Variants in COQ7 observed in about 807,000 individuals in gnomAD.
COQ7 encodes the protein NADPH-dependent 3-demethoxyubiquinone 3-hydroxylase, mitochondrial.
COQ7 carries 21 observed loss-of-function variants against 25.0 expected under a neutral mutation model. The ratio of observed to expected loss-of-function variants is 0.84; its 90% CI spans 0.60 to 1.21. The LOEUF (loss-of-function observed/expected upper bound fraction) is 1.21. Ranked by LOEUF, COQ7 falls within the 50% of genes most tolerant of loss-of-function variation. The pLI, the probability that COQ7 is intolerant of heterozygous loss-of-function variation, is 0.00. For missense variants in COQ7, 311 were observed against 296.2 expected (o/e 1.05, Z -0.37); for synonymous variants, 125 against 112.4 (o/e 1.11, Z -0.71).
At chr16:19,068,839 T>A (rs1217577018) in intron 1 of COQ7, 1 of 450,954 alleles carries the variant, frequency 2.2e-6, no homozygotes, top group Non-Finnish European at 4.4e-6. Flanking sequence ...AACAAAATCC[T>A]TATGGTGAAT....
intron 1 of COQ7, 130 bp from the exon 2 acceptor site, chr16:19,071,798 G>A (rs527476916): frequency 2.5e-5 from 24 of 945,002 alleles, no homozygotes; most frequent in East Asian, 2.4e-4. Flanking sequence ...AACAGAGTCC[G>A]TTTATGGGCA....
At chr16:19,080,502 C>G (rs751293850), downstream of COQ7, among the ~76,000 whole-genome samples, 2 of 152,088 alleles carry the variant, frequency 1.3e-5, no homozygotes, top group East Asian at 3.8e-4. Flanking sequence ...TTAATATGTT[C>G]AGTAGGCTTC....
At chr16:19,069,826 G>A (rs1015674482) in intron 1 of COQ7, among the ~76,000 whole-genome samples, 1 of 151,160 alleles carries the variant, frequency 6.6e-6, no homozygotes, top group Non-Finnish European at 1.5e-5. Context: ...CTCTGTCACC[G>A]AGGCTGGAGT....
intron 1 of COQ7, 118 bp from the exon 2 acceptor site, chr16:19,071,810 G>A (rs777592614): frequency 1.1e-5 from 12 of 1,087,258 alleles, no homozygotes; most frequent in East Asian, 2.4e-5. Flanking sequence ...TTATGGGCAC[G>A]CCTGGCCCAT....
Position 19,079,457 on chromosome 16 carries a change from A to G in COQ7, c.*1299A>G, listed in dbSNP as rs2142405409. 6.6e-6 allele frequency: 1 copy of G among 152,088 alleles called. No homozygotes were observed. The highest frequency in any genetic ancestry group is 2.4e-5 in the African/African-American group (1 of 41,500). 9.4% of individuals were successfully genotyped at this position (152,088 alleles called of 1,614,324 possible). A position where few individuals can be genotyped will look rare whatever the true frequency, so the allele number is the denominator to read the frequency against. ...TTTTCATACTTTAATGAAATATTTT[A>G]TAATTTGCAAATTTTTAAGTAATTT... is the stretch of plus-strand genomic sequence containing the variant. On this transcript the variant is annotated 3_prime_UTR_variant, in exon 6 of 6. Transcript: ENST00000321998.
chr16:19,078,054 T>C, intron 5 of COQ7, 27 bp from the exon 6 acceptor site: 1 of 1,572,664 alleles, frequency 6.4e-7, no homozygotes, highest in Non-Finnish European at 8.6e-7. Context: ...ATAACATGTT[T>C]CTTTGTTTGC....
In COQ7 at chr16:19,067,649, T is replaced by C. The variant is rs1962286719; in HGVS notation, c.-16T>C. 1 of 1,613,654 alleles carries C rather than the reference T, an allele frequency of 6.2e-7. No homozygotes were observed. Among genetic ancestry groups the C allele is most frequent in the Non-Finnish European group, 8.5e-7 (1 of 1,179,732 alleles). Reference sequence around the variant, plus strand: ...AGTTCCGTTCAACGAAGTGGTTGCTTTTTTTAGTTCCGGCAATGAGTTGCG... The same window carrying C: ...AGTTCCGTTCAACGAAGTGGTTGCTCTTTTTAGTTCCGGCAATGAGTTGCG... On this transcript the variant is annotated 5_prime_UTR_variant, in exon 1 of 6. Coordinates refer to ENST00000321998, the MANE Select transcript of COQ7 (RefSeq NM_016138.5).
chr16:19,071,285 G>A (rs1179289471), intron 1 of COQ7, among the ~76,000 whole-genome samples: 8 of 152,152 alleles, frequency 5.3e-5, no homozygotes. Context: ...AAAGGCACAC[G>A]CCAACACACC....
downstream of COQ7, among the ~76,000 whole-genome samples, chr16:19,081,059 CAT>C (rs373662711): frequency 5.6e-4 from 85 of 152,120 alleles, 1 homozygote; most frequent in South Asian, 0.017. Context: ...TAATAGAAGA[CAT>C]GTAATCTGTT....
chr16:19,077,395 G>C (rs1962903368), intron 5 of COQ7, 21 bp downstream of exon 5: 2 of 1,608,860 alleles, frequency 1.2e-6, no homozygotes, highest in East Asian at 4.5e-5. Flanking sequence ...ACTGTTACCT[G>C]TTCTGCTTTG....
downstream of COQ7, among the ~76,000 whole-genome samples, chr16:19,080,555 T>A (rs1963077622): frequency 6.6e-6 from 1 of 152,132 alleles, no homozygotes. Flanking sequence ...TTTTGACCCC[T>A]AACTTTTGGA....
At chr16:19,072,385 T>G in intron 2 of COQ7, 2 of 422,328 alleles carry the variant, frequency 4.7e-6, no homozygotes, top group Non-Finnish European at 8.7e-6. Context: ...AGGTTAAGAA[T>G]CGCTCAGCAC....
rs1032947652 is a variant in COQ7 at position 19,075,593 on chromosome 16, A to T, written c.368-128A>T. 6 of 988,240 alleles carry T rather than the reference A, an allele frequency of 6.1e-6. No homozygotes were observed. The South Asian group carries it at 1.0e-4, about 17-fold the overall frequency. 61.2% of individuals were successfully genotyped at this position (988,240 alleles called of 1,614,324 possible). A position where few individuals can be genotyped will look rare whatever the true frequency, so the allele number is the denominator to read the frequency against. ...TTAAATATCCCACCATGCATGGGAC[A>T]GCCCCTGTCACAAAGAATGACCCGG... On this transcript the variant is annotated intron_variant, in intron 3 of 5. Coordinates refer to ENST00000321998, the MANE Select transcript of COQ7 (RefSeq NM_016138.5).
downstream of COQ7, among the ~76,000 whole-genome samples, chr16:19,080,700 T>C (rs1963081334): frequency 6.6e-6 from 1 of 152,084 alleles, no homozygotes; most frequent in South Asian, 2.1e-4. Context: ...GTTCCAAAAT[T>C]GTATAAGATT....
chr16:19,070,977 TAAAATA>T (rs1962526265), intron 1 of COQ7, among the ~76,000 whole-genome samples: 1 of 152,230 alleles, frequency 6.6e-6, no homozygotes, highest in Non-Finnish European at 1.5e-5. Flanking sequence ...TTTTTAAAGA[TAAAATA>T]TAATCTGTCA....
chr16:19,082,021 CA>C (rs566283231), downstream of COQ7, among the ~76,000 whole-genome samples: 3 of 148,298 alleles, frequency 2.0e-5, no homozygotes, highest in East Asian at 5.9e-4. Context: ...AACTCCATCC[CA>C]AAAAAAAAGA....
intron 3 of COQ7, 151 bp downstream of exon 3, chr16:19,074,186 T>G (rs761946046): frequency 1.5e-4 from 85 of 556,910 alleles, no homozygotes; most frequent in Non-Finnish European, 2.5e-4. Context: ...CTGCCTTTTT[T>G]TGTGTGTGGT....
In COQ7 at chr16:19,078,149, A is replaced by C; in HGVS notation, c.645A>C (p.Glu215Asp). ...AGCRVAIYLS[E>D]RL ...GCAGAGTGGCGATATATTTATCAGA[A>C]AGATTATAAAGTGTGTCCAGTTTTG... The change falls in exon 6 of 6, where the codon GAA becomes GAC. Residue 215 changes from glutamate (E) to aspartate (D), a missense_variant. Coordinates refer to ENST00000321998, the MANE Select transcript of COQ7 (RefSeq NM_016138.5). The C allele has an allele frequency of 6.2e-7, 1 of 1,610,804 alleles. No homozygotes were observed.
chr16:19,070,094 C>G (rs770323316), intron 1 of COQ7, among the ~76,000 whole-genome samples: 2 of 152,074 alleles, frequency 1.3e-5, no homozygotes, highest in African/African-American at 2.4e-5. Context: ...TATGCAGTCT[C>G]TTTAGTCAGA....
Sources: gnomAD v4.1 joint callset for allele counts (sites outside exome capture counted in the v4.1 genomes callset) on GRCh38, gnomAD v4.1.1 for gene constraint, MANE v1.5 for transcripts, NCBI Gene and HGNC (gene_info 2026-07-23, HGNC 2026-07-21) for gene names.